Variants in MID1 observed in about 807,000 individuals in gnomAD.
MID1 encodes the protein E3 ubiquitin-protein ligase Midline-1.
In MID1, 7 loss-of-function variants were observed where a neutral mutation model predicts 40.4. The ratio of observed to expected loss-of-function variants is 0.17; its 90% CI spans 0.10 to 0.33. The LOEUF is 0.33. Among genes scored for constraint, MID1 ranks in the 10% least tolerant of loss-of-function variants. The pLI is 1.00. For synonymous variants in MID1, 229 were observed against 221.2 expected (o/e 1.04, Z -0.31); for missense variants, 367 against 558.5 (o/e 0.66, Z 3.46).
At chrX:10,619,125 A>AG (rs1272820179) in intron 1 of MID1, among the ~76,000 whole-genome samples, 2 of 111,762 alleles carry the variant, frequency 1.8e-5, no homozygotes, top group African/African-American at 6.5e-5. Context: ...CGAACAAGCG[A>AG]GGGGGCAAGA....
chrX:10,567,361 T>C lies in MID1; in HGVS notation c.187A>G (p.Ile63Val). The change falls in exon 2 of 10, where the codon ATC becomes GTC. Residue 63 changes from isoleucine to valine, a missense_variant. Coordinates refer to ENST00000317552, the MANE Select transcript of MID1 (RefSeq NM_000381.4). ...AFQCPTCRHV[I>V]TLSQRGLDGL... ...TCTAGACCTCGCTGGCTGAGGGTGATGACATGCCGGCAGGTGGGGCACTGG... is the reference window on the plus strand; with the variant it reads ...TCTAGACCTCGCTGGCTGAGGGTGACGACATGCCGGCAGGTGGGGCACTGG... The C allele has an allele frequency of 8.3e-7, 1 of 1,199,078 alleles. No individual in the cohort carries two copies. The highest frequency in any genetic ancestry group is 1.1e-6 in the Non-Finnish European group (1 of 887,867).
chrX:10,710,102 C>T (rs921501987), intron 1 of MID1, among the ~76,000 whole-genome samples: 10 of 111,607 alleles, frequency 9.0e-5, no homozygotes, highest in African/African-American at 6.5e-5. Context: ...CCAACATTCA[C>T]GGTCAATTGT....
chrX:10,733,610 T>A (rs1175238469), intron 1 of MID1, among the ~76,000 whole-genome samples: 1 of 111,385 alleles, frequency 9.0e-6, no homozygotes, highest in African/African-American at 3.3e-5. Context: ...ATAGAATATA[T>A]AAAGTACCCT....
At chrX:10,768,269 T>G (rs921409973) in intron 1 of MID1, among the ~76,000 whole-genome samples, 2 of 111,281 alleles carry the variant, frequency 1.8e-5, no homozygotes, top group African/African-American at 6.5e-5. Flanking sequence ...TTAATGTAGA[T>G]TTAAAGGCTA....
chrX:10,768,584 T>C (rs771621829), intron 1 of MID1, among the ~76,000 whole-genome samples: 3 of 111,487 alleles, frequency 2.7e-5, no homozygotes, highest in Non-Finnish European at 5.6e-5. Flanking sequence ...TTTATGGCTC[T>C]GGGCAGATAA....
At chrX:10,681,727 C>T (rs1292092262) in intron 1 of MID1, among the ~76,000 whole-genome samples, 2 of 110,994 alleles carry the variant, frequency 1.8e-5, no homozygotes, top group African/African-American at 3.3e-5. Flanking sequence ...AGAAAGTATG[C>T]GGGGGCGAAT....
At chrX:10,516,595 TGTGTGTGTGTGTGTGC>T (rs1460096198) in intron 3 of MID1, among the ~76,000 whole-genome samples, 55 of 84,160 alleles carry the variant, frequency 6.5e-4, no homozygotes, top group South Asian at 2.4e-3. Flanking sequence ...TGTGTGTGTG[TGTGTGTGTGTGTGTGC>T]GCGCGCGCAC....
In MID1 at chrX:10,455,093, CAAAACA is replaced by C. The variant is rs766704755; in HGVS notation, c.1448-22_1448-17del. 8.6e-7 allele frequency: 1 copy of C among 1,162,593 alleles called. No individual in the cohort carries two copies. Among genetic ancestry groups the C allele is most frequent in the East Asian group, 3.0e-5 (1 of 33,607 alleles). ...AATGGTTGGCCTGAAAACAAATTCA[CAAAACA>C]GAAAAAGGAAGAGGAAGAGGATTGT... is the stretch of plus-strand genomic sequence containing the variant. On this transcript the variant is annotated splice_polypyrimidine_tract_variant and intron_variant, in intron 8 of 9. Transcript: ENST00000317552.
intron 1 of MID1, among the ~76,000 whole-genome samples, chrX:10,700,408 C>T (rs958399057): frequency 2.7e-5 from 3 of 110,101 alleles, no homozygotes; most frequent in East Asian, 5.7e-4. Context: ...AAAAATTAGC[C>T]GGCCATGGTG....
chrX:10,562,656 C>T lies in MID1; in HGVS notation c.660+4232G>A, dbSNP rs185759977. ...ATATTTGTAACTTCAAAAAAAAACC[C>T]CTTCAAGATAAGACTCTTCCCACAA... On this transcript the variant is annotated intron_variant, in intron 2 of 9. Coordinates refer to ENST00000317552, the MANE Select transcript of MID1 (RefSeq NM_000381.4). 7.0e-3 allele frequency among the ~76,000 whole-genome samples: 741 copies of T among 105,713 alleles called. 95 individuals carry two copies. Among genetic ancestry groups the T allele is most frequent in the African/African-American group, 0.026 (699 of 26,410 alleles). The allele number at this position is 105,713 out of a possible 115,157, so 91.8% of individuals were successfully genotyped here. A position where few individuals can be genotyped will look rare whatever the true frequency, so the allele number is the denominator to read the frequency against.
At chrX:10,629,221 A>C (rs1416171938) in intron 1 of MID1, among the ~76,000 whole-genome samples, 1 of 108,678 alleles carries the variant, frequency 9.2e-6, no homozygotes, top group Non-Finnish European at 1.9e-5. Flanking sequence ...TTTTTTTTAG[A>C]CAGTCTTGCT....
intron 1 of MID1, among the ~76,000 whole-genome samples, chrX:10,647,914 A>C (rs992271508): frequency 4.5e-5 from 5 of 112,120 alleles, no homozygotes; most frequent in Admixed American, 9.5e-5. Context: ...CTTTCATCTT[A>C]TACACATCAC....
intron 1 of MID1, among the ~76,000 whole-genome samples, chrX:10,816,450 G>A (rs2044136653): frequency 8.9e-6 from 1 of 111,977 alleles, no homozygotes; most frequent in Non-Finnish European, 1.9e-5. Context: ...TAATAAATAG[G>A]TGTCTAATAA....
chrX:10,740,080 C>G (rs898702727), intron 1 of MID1, among the ~76,000 whole-genome samples: 2 of 112,816 alleles, frequency 1.8e-5, no homozygotes, highest in Non-Finnish European at 3.8e-5. Flanking sequence ...ATCTTCTGTT[C>G]CCTTGGCACA....
At position 10,629,883 on chromosome X, in the gene MID1, A is replaced by G. The variant is rs191959057; in HGVS notation, c.-186-9464T>C. 2.7e-5 allele frequency among the ~76,000 whole-genome samples: 3 copies of G among 112,047 alleles called. No individual in the cohort carries two copies. In the East Asian group the frequency reaches 8.4e-4, roughly 31 times the overall value. The stretch of plus-strand genomic sequence containing the variant: ...GATATCTGTACATCTCTATGAATTG[A>G]TTTTCATCACTCCCAGGGAATCCAA... On this transcript the variant is annotated intron_variant, in intron 1 of 10. Coordinates refer to the MID1 transcript ENST00000380785.
In MID1 at chrX:10,566,545, C is replaced by T. The variant is rs752688295; in HGVS notation, c.660+343G>A. On this transcript the variant is annotated intron_variant, in intron 2 of 9. Coordinates refer to ENST00000317552, the MANE Select transcript of MID1 (RefSeq NM_000381.4). ...TCCCTCTCTCTCCCTCTCTCTCTCT[C>T]TCTCTCTCTCTCTCTCCCTCTCTCT... Among the ~76,000 whole-genome samples the T allele has an allele frequency of 3.8e-5, 4 of 106,021 alleles. No individual in the cohort carries two copies. The South Asian group carries it at 1.7e-3, about 46-fold the overall frequency. The allele number at this position is 106,021 out of a possible 115,157, so 92.1% of individuals were successfully genotyped here. A position where few individuals can be genotyped will look rare whatever the true frequency, so the allele number is the denominator to read the frequency against.
chrX:10,563,194 A>G (rs1934407212), intron 2 of MID1, among the ~76,000 whole-genome samples: 1 of 112,005 alleles, frequency 8.9e-6, no homozygotes, highest in African/African-American at 3.2e-5. Context: ...AAATCAAACT[A>G]TTAAAAAATT....
At chrX:10,779,597 T>C (rs2147131800) in intron 1 of MID1, among the ~76,000 whole-genome samples, 1 of 112,118 alleles carries the variant, frequency 8.9e-6, no homozygotes, top group South Asian at 3.7e-4. Context: ...GGACATTGGA[T>C]TGGACAATAT....
chrX:10,543,042 G>A (rs758341449), intron 2 of MID1, among the ~76,000 whole-genome samples: 7 of 112,043 alleles, frequency 6.2e-5, no homozygotes, highest in Non-Finnish European at 1.3e-4. Context: ...AGTGTGTTAG[G>A]TATAGGTCAG....
Sources: allele counts gnomAD v4.1 joint callset (sites outside exome capture counted in the v4.1 genomes callset), GRCh38; gene constraint gnomAD v4.1.1; transcripts MANE v1.5; gene names NCBI Gene and HGNC (gene_info 2026-07-23, HGNC 2026-07-21).